CTNNA3: variants seen among roughly 807,000 people sequenced by gnomAD.
The protein encoded by CTNNA3 is catenin alpha-3.
CTNNA3 carries 76 observed loss-of-function variants against 95.7 expected under a neutral mutation model. The ratio of observed to expected loss-of-function variants is 0.79; its 90% confidence interval spans 0.66 to 0.96. The LOEUF is 0.96. Among genes scored for constraint, CTNNA3 ranks in the 40% least tolerant of loss-of-function variants. The pLI is 0.00. For missense variants in CTNNA3, 1,191 were observed against 1,089.8 expected (o/e 1.09, Z -1.31); for synonymous variants, 431 against 374.4 (o/e 1.15, Z -1.74).
intron 4 of CTNNA3, among the ~76,000 whole-genome samples, chr10:67,524,211 G>A (rs752901533): frequency 2.0e-5 from 3 of 151,962 alleles, no homozygotes; most frequent in Non-Finnish European, 2.9e-5. Context: ...AGACTATCCT[G>A]GCTAACACGG....
intron 5 of CTNNA3, among the ~76,000 whole-genome samples, chr10:67,465,351 T>C (rs1847550337): frequency 6.6e-6 from 1 of 152,062 alleles, no homozygotes; most frequent in South Asian, 2.1e-4. Context: ...AAAGATGGTT[T>C]CAAAGCTGCC....
intron 7 of CTNNA3, among the ~76,000 whole-genome samples, chr10:66,795,711 A>G (rs1203510325): frequency 6.6e-6 from 1 of 152,150 alleles, no homozygotes; most frequent in East Asian, 1.9e-4. Flanking sequence ...TTCTTCCATG[A>G]GACTATTTTG....
At chr10:66,804,522 T>C (rs12415863) in intron 7 of CTNNA3, among the ~76,000 whole-genome samples, 7,005 of 152,140 alleles carry the variant, frequency 0.046, 327 homozygotes, top group East Asian at 0.23. Flanking sequence ...ATATACACTT[T>C]ATTTTGCCTT....
At chr10:66,512,590 C>T (rs541581422) in intron 11 of CTNNA3, among the ~76,000 whole-genome samples, 48 of 151,926 alleles carry the variant, frequency 3.2e-4, no homozygotes, top group Non-Finnish European at 5.6e-4. Context: ...TAACATCTAC[C>T]AATGATATAG....
rs143480113 is a variant in CTNNA3, at chr10:66,437,093, C to T, written c.1532-57741G>A. Reference sequence around the variant, plus strand: ...GATGTGCTTCTCTTTATGGGTAACCCCACGTTTCTCTCTGGCTGCTCTTAA... The same window carrying T: ...GATGTGCTTCTCTTTATGGGTAACCTCACGTTTCTCTCTGGCTGCTCTTAA... On this transcript the variant is annotated intron_variant, in intron 11 of 17. Transcript: ENST00000433211. 0.018 allele frequency among the ~76,000 whole-genome samples: 2,756 copies of T among 152,106 alleles called. 196 individuals are homozygous for T. In the East Asian group the frequency reaches 0.24, roughly 13 times the overall value.
intron 7 of CTNNA3, among the ~76,000 whole-genome samples, chr10:66,891,945 G>A (rs988171830): frequency 1.3e-5 from 2 of 151,970 alleles, no homozygotes; most frequent in Non-Finnish European, 2.9e-5. Flanking sequence ...TCTAGAAGCC[G>A]CATTTTAGTC....
chr10:66,872,994 G>C (rs1158926637), intron 7 of CTNNA3, among the ~76,000 whole-genome samples: 4 of 152,070 alleles, frequency 2.6e-5, no homozygotes, highest in African/African-American at 9.7e-5. Flanking sequence ...ATGGCCTCCA[G>C]CTGCATCCGT....
chr10:67,452,681 T>C (rs547220483), intron 5 of CTNNA3, among the ~76,000 whole-genome samples: 3 of 152,284 alleles, frequency 2.0e-5, no homozygotes, highest in African/African-American at 7.2e-5. Flanking sequence ...CTTTGAAAAT[T>C]CAGATATGTC....
chr10:66,629,765 C>T lies in CTNNA3; in HGVS notation c.1282-7981G>A, dbSNP rs193053005. On this transcript the variant is annotated intron_variant, in intron 9 of 17. Transcript: ENST00000433211. Reference sequence around the variant, plus strand: ...ATGTACTTTTATGTATCAATGCTTGCTTCTGCCAGAAAACATCTGTACATA... The same window carrying T: ...ATGTACTTTTATGTATCAATGCTTGTTTCTGCCAGAAAACATCTGTACATA... 1.2e-3 allele frequency among the ~76,000 whole-genome samples: 188 copies of T among 152,192 alleles called. 1 individual carries two copies. The highest frequency in any genetic ancestry group is 2.2e-3 in the Non-Finnish European group (148 of 67,988).
chr10:67,108,326 TTCA>T (rs1399047111), intron 7 of CTNNA3, among the ~76,000 whole-genome samples: 2 of 152,188 alleles, frequency 1.3e-5, no homozygotes, highest in Non-Finnish European at 2.9e-5. Context: ...AAATATTCTC[TTCA>T]TCAAATTCTG....
At position 67,488,672 on chromosome 10, in the gene CTNNA3, CT is replaced by C. The variant is rs565227051; in HGVS notation, c.579+33169del. Reference sequence around the variant, plus strand: ...AGGTGTGAGCCAAAGTGCCCGGCCTCTTTTTTTTTTTTTTTTGAGACAAAGT... The same window carrying C: ...AGGTGTGAGCCAAAGTGCCCGGCCTCTTTTTTTTTTTTTTTGAGACAAAGT... On this transcript the variant is annotated intron_variant, in intron 5 of 17. Coordinates refer to ENST00000433211, the MANE Select transcript of CTNNA3 (RefSeq NM_013266.4). 2.8e-3 allele frequency among the ~76,000 whole-genome samples: 364 copies of C among 130,686 alleles called. 1 individual carries two copies. Among genetic ancestry groups the C allele is most frequent in the East Asian group, 0.017 (75 of 4,430 alleles). 85.7% of individuals were successfully genotyped at this position (130,686 alleles called of 152,430 possible). A position where few individuals can be genotyped will look rare whatever the true frequency, so the allele number is the denominator to read the frequency against.
At chr10:66,854,734 G>GAAAATGT (rs1843623978) in intron 7 of CTNNA3, among the ~76,000 whole-genome samples, 2 of 135,920 alleles carry the variant, frequency 1.5e-5, no homozygotes, top group Non-Finnish European at 3.3e-5. Flanking sequence ...GGGTAAAGAA[G>GAAAATGT]AAAATGTCAT....
Position 67,074,334 on chromosome 10 carries a change from C to CT in CTNNA3, c.1047+105982dup, listed in dbSNP as rs1258510832. 6.8e-5 allele frequency among the ~76,000 whole-genome samples: 9 copies of CT among 131,954 alleles called. No individual in the cohort carries two copies. The Admixed American group carries it at 7.0e-4, about 10-fold the overall frequency. 86.6% of individuals were successfully genotyped at this position (131,954 alleles called of 152,430 possible). On this transcript the variant is annotated intron_variant, in intron 7 of 17. Coordinates refer to ENST00000433211, the MANE Select transcript of CTNNA3 (RefSeq NM_013266.4). ...CATGAGCCACCGTGCCCAGCTGCCA[C>CT]TTTAACTCTTTTTTTTTTTTTTTTT...
chr10:67,125,363 G>T (rs957868299), intron 7 of CTNNA3, among the ~76,000 whole-genome samples: 1 of 151,918 alleles, frequency 6.6e-6, no homozygotes, highest in South Asian at 2.1e-4. Context: ...GAATGCGCCC[G>T]GGAAAATACG....
chr10:66,379,065 T>G (rs968242144), intron 12 of CTNNA3, 87 bp downstream of exon 12: 1 of 1,157,808 alleles, frequency 8.6e-7, no homozygotes, highest in African/African-American at 1.5e-5. Flanking sequence ...CAACACAGAC[T>G]AGAATCTTTC....
At chr10:66,877,557 G>A (rs1844673538) in intron 7 of CTNNA3, among the ~76,000 whole-genome samples, 1 of 152,080 alleles carries the variant, frequency 6.6e-6, no homozygotes, top group South Asian at 2.1e-4. Context: ...TTAGAAGCCT[G>A]ATAAGATTCT....
At chr10:66,441,264 G>T (rs779430032) in intron 11 of CTNNA3, among the ~76,000 whole-genome samples, 25 of 152,218 alleles carry the variant, frequency 1.6e-4, no homozygotes, top group Admixed American at 2.6e-4. Flanking sequence ...AAGTAAAATT[G>T]TAATGTGACA....
intron 9 of CTNNA3, among the ~76,000 whole-genome samples, chr10:66,727,787 C>G (rs980693987): frequency 7.2e-5 from 11 of 151,976 alleles, no homozygotes; most frequent in Non-Finnish European, 4.4e-5. Flanking sequence ...AAACCAATAG[C>G]CCAGTTGTCT....
At chr10:66,825,068 C>A (rs1349075626) in intron 7 of CTNNA3, among the ~76,000 whole-genome samples, 1 of 150,936 alleles carries the variant, frequency 6.6e-6, no homozygotes, top group Non-Finnish European at 1.5e-5. Flanking sequence ...TTTAGAAAAA[C>A]AAATTACACA....
Sources: allele counts gnomAD v4.1 joint callset (sites outside exome capture counted in the v4.1 genomes callset), GRCh38; gene constraint gnomAD v4.1.1; transcripts MANE v1.5; gene names NCBI Gene and HGNC (gene_info 2026-07-23, HGNC 2026-07-21).